The following ZMYND8 variants were observed in gnomAD, a reference collection of about 807,000 sequenced individuals.
ZMYND8 encodes MYND-type zinc finger-containing chromatin reader ZMYND8.
In ZMYND8, 37 loss-of-function variants were observed where a neutral mutation model predicts 140.8. The observed-to-expected ratio is 0.26, with a 90% CI of 0.20 to 0.35. ZMYND8 has a LOEUF of 0.35. Among genes scored for constraint, ZMYND8 ranks in the 10% least tolerant of loss-of-function variants. The pLI, the probability that ZMYND8 is intolerant of heterozygous loss-of-function variation, is 1.00. For missense variants in ZMYND8, 1,068 were observed against 1,570.0 expected, an observed-to-expected ratio of 0.68 and a Z score of 5.40; for synonymous variants, 592 against 597.1, an observed-to-expected ratio of 0.99 and a Z score of 0.12.
intron 3 of ZMYND8, among the ~76,000 whole-genome samples, chr20:47,302,130 A>C (rs1037593186): frequency 1.3e-5 from 2 of 152,198 alleles, no homozygotes; most frequent in African/African-American, 4.8e-5. Context: ...GTATGTCTTC[A>C]TTAGCAGCAT....
In ZMYND8 at chr20:47,246,421, C is replaced by G. The variant is rs1490754762; in HGVS notation, c.1871G>C (p.Ser624Thr). 6.2e-7 allele frequency: 1 copy of G among 1,613,986 alleles called. No individual in the cohort carries two copies. The highest frequency in any genetic ancestry group is 1.3e-5 in the African/African-American group (1 of 74,904). Residue 624 changes from serine (S) to threonine (T), a missense_variant, in exon 14 of 23, where the codon AGT (serine) becomes ACT (threonine). Ser to Thr is a moderately conservative substitution (Grantham distance 58). Transcript: ENST00000471951. The stretch of plus-strand genomic sequence containing the variant: ...GTTCTTAGACTTCTGCTCATCATCA[C>G]TGATATACTCACTATCGCTACTATC... ...KSDSSDSEYI[S>T]DDEQKSKNEP...
chr20:47,318,917 C>T (rs1315755064), intron 2 of ZMYND8: 2 of 1,338,508 alleles, frequency 1.5e-6, no homozygotes, highest in Non-Finnish European at 2.0e-6. Flanking sequence ...GCAGAACATG[C>T]GAGGGGCAGG....
chr20:47,281,888 G>A (rs2076628150), intron 10 of ZMYND8, among the ~76,000 whole-genome samples: 1 of 152,156 alleles, frequency 6.6e-6, no homozygotes. Flanking sequence ...ACCCAGTAAA[G>A]TAAGATGATT....
At chr20:47,305,247 T>C (rs1309225127) in intron 3 of ZMYND8, among the ~76,000 whole-genome samples, 1 of 151,244 alleles carries the variant, frequency 6.6e-6, no homozygotes, top group Non-Finnish European at 1.5e-5. Flanking sequence ...CTGCCTCTTT[T>C]TTTTTTTTCT....
intron 2 of ZMYND8, among the ~76,000 whole-genome samples, chr20:47,328,494 G>C (rs1286961502): frequency 6.6e-6 from 1 of 151,614 alleles, no homozygotes. Flanking sequence ...TTTCGAGACA[G>C]AGTCTGTTGT....
chr20:47,306,663 C>A (rs117685984), intron 3 of ZMYND8, among the ~76,000 whole-genome samples: 2 of 151,580 alleles, frequency 1.3e-5, no homozygotes, highest in Non-Finnish European at 2.9e-5. Context: ...CGCTGCCTCC[C>A]GGGTTCAAGA....
At chr20:47,297,932 C>T (rs1601699030) in intron 4 of ZMYND8, among the ~76,000 whole-genome samples, 1 of 152,316 alleles carries the variant, frequency 6.6e-6, no homozygotes, top group African/African-American at 2.4e-5. Flanking sequence ...CCCGACTACG[C>T]CCATGCACTG....
chr20:47,281,993 C>A, intron 10 of ZMYND8, 109 bp downstream of exon 10: 2 of 920,668 alleles, frequency 2.2e-6, no homozygotes, highest in South Asian at 1.8e-5. Context: ...TGGTTGGTAT[C>A]ATGACAATAA....
At position 47,239,004 on chromosome 20, in the gene ZMYND8, C is replaced by T. The variant is rs1352135332; in HGVS notation, c.2419G>A (p.Val807Ile). 3.1e-6 allele frequency: 5 copies of T among 1,606,722 alleles called. No homozygotes were observed. The highest frequency in any genetic ancestry group is 2.2e-5 in the East Asian group (1 of 44,748). Residue 807 changes from valine to isoleucine, a missense_variant, in exon 15 of 23, where the codon GTC becomes ATC. Val to Ile is a conservative substitution (Grantham distance 29). This residue lies in a region of ZMYND8 where 383 missense variants were observed against 431.2 expected (regional missense o/e 0.89). Coordinates refer to ENST00000471951, the MANE Select transcript of ZMYND8 (RefSeq NM_001281775.3). The part of the protein sequence containing the change: ...ATTSTSSTVT[V>I]TAPAPAATGS... ...GTGGCGGCGGGGGCCGGGGCCGTGA[C>T]GGTGACCGTGGAGGACGTGCTGGTG... is the stretch of plus-strand genomic sequence containing the variant.
chr20:47,267,594 A>G (rs2075625702), intron 11 of ZMYND8, among the ~76,000 whole-genome samples: 1 of 152,000 alleles, frequency 6.6e-6, no homozygotes, highest in South Asian at 2.1e-4. Flanking sequence ...CACCATGTGC[A>G]CAGCACCCTT....
chr20:47,314,120 A>C (rs2079183638), intron 2 of ZMYND8, among the ~76,000 whole-genome samples: 1 of 152,164 alleles, frequency 6.6e-6, no homozygotes, highest in Non-Finnish European at 1.5e-5. Context: ...CAGGGAGTCC[A>C]GGGAAGGGGA....
intron 2 of ZMYND8, among the ~76,000 whole-genome samples, chr20:47,311,969 G>A (rs934874743): frequency 6.6e-6 from 1 of 152,142 alleles, no homozygotes; most frequent in African/African-American, 2.4e-5. Context: ...GCCCAATGGT[G>A]GTCTTCTTAA....
intron 3 of ZMYND8, among the ~76,000 whole-genome samples, chr20:47,306,586 T>C (rs1317776429): frequency 6.6e-6 from 1 of 151,396 alleles, no homozygotes; most frequent in Non-Finnish European, 1.5e-5. Flanking sequence ...TTTTTTTTTT[T>C]TTGAGACAGA....
chr20:47,312,806 A>AG (rs1466773188), intron 2 of ZMYND8, among the ~76,000 whole-genome samples: 4 of 150,744 alleles, frequency 2.7e-5, no homozygotes, highest in Admixed American at 6.7e-5. Context: ...AAAAAAAAAA[A>AG]AGAGAGAGAG....
At chr20:47,325,723 T>C (rs1386883150) in intron 2 of ZMYND8, among the ~76,000 whole-genome samples, 1 of 152,180 alleles carries the variant, frequency 6.6e-6, no homozygotes, top group African/African-American at 2.4e-5. Flanking sequence ...CAAAGGGGGA[T>C]ATCTCAGGAG....
At chr20:47,331,459 C>G (rs1446456323) in intron 2 of ZMYND8, among the ~76,000 whole-genome samples, 2 of 152,146 alleles carry the variant, frequency 1.3e-5, no homozygotes, top group African/African-American at 4.8e-5. Flanking sequence ...TTGAGACGCC[C>G]ATGAACAGGC....
intron 2 of ZMYND8, among the ~76,000 whole-genome samples, chr20:47,312,539 G>A (rs2079016377): frequency 6.6e-6 from 1 of 152,146 alleles, no homozygotes; most frequent in Non-Finnish European, 1.5e-5. Context: ...CTGGACCAAA[G>A]GCACACAGCA....
In ZMYND8 at chr20:47,294,618, T is replaced by A. The variant is rs770956612; in HGVS notation, c.567+48A>T. The A allele has an allele frequency of 6.4e-6, 10 of 1,557,090 alleles. 1 individual carries two copies. The South Asian group carries it at 1.1e-4, about 17-fold the overall frequency. Reference sequence around the variant, plus strand: ...TAAGCTATTAACAGAACAAAACATATGTCATTACGTTCATTTACGCGTATA... The same window carrying A: ...TAAGCTATTAACAGAACAAAACATAAGTCATTACGTTCATTTACGCGTATA... On this transcript the variant is annotated intron_variant, in intron 5 of 22. Transcript: ENST00000471951.
chr20:47,296,001 C>A (rs959596589), intron 4 of ZMYND8, among the ~76,000 whole-genome samples: 1 of 151,950 alleles, frequency 6.6e-6, no homozygotes, highest in Non-Finnish European at 1.5e-5. Context: ...CGTTGGTTGT[C>A]GAGGAAAAGG....
Sources: gnomAD v4.1 joint callset for allele counts (sites outside exome capture counted in the v4.1 genomes callset) on GRCh38, gnomAD v4.1.1 for gene constraint, gnomAD v4.1.1 regional missense constraint, MANE v1.5 for transcripts, NCBI Gene and HGNC (gene_info 2026-07-23, HGNC 2026-07-21) for gene names.